MYOM1: variants seen among roughly 807,000 people sequenced by gnomAD.
The protein encoded by MYOM1 is myomesin-1.
A neutral mutation model predicts 205.3 loss-of-function variants in MYOM1; 164 were observed. The observed-to-expected ratio is 0.80, with a 90% confidence interval of 0.70 to 0.91. The LOEUF (loss-of-function observed/expected upper bound fraction) is 0.91. Ranked by LOEUF, MYOM1 falls within the 40% of genes least tolerant of loss-of-function variation. The pLI, the probability that MYOM1 is intolerant of heterozygous loss-of-function variation, is 0.00. For missense variants in MYOM1, 2,011 were observed against 2,127.3 expected (o/e 0.95, Z 1.08); for synonymous variants, 772 against 789.4 (o/e 0.98, Z 0.37).
At chr18:3,195,842 C>A (rs1004636514) in intron 2 of MYOM1, among the ~76,000 whole-genome samples, 3 of 151,846 alleles carry the variant, frequency 2.0e-5, no homozygotes, top group African/African-American at 4.8e-5. Flanking sequence ...AAATCACAGG[C>A]GCTGCTTTTT....
At chr18:3,084,261 C>T (rs186336282) in intron 31 of MYOM1, among the ~76,000 whole-genome samples, 89 of 152,084 alleles carry the variant, frequency 5.9e-4, no homozygotes, top group Non-Finnish European at 6.6e-4. Context: ...TTGTCACAAT[C>T]GCCATATTTA....
rs2081240130 is a variant in MYOM1 at position 3,214,919 on chromosome 18, G to GC, written c.290+14_290+15insG. On this transcript the variant is annotated intron_variant, in intron 2 of 37. Coordinates refer to ENST00000356443, the MANE Select transcript of MYOM1 (RefSeq NM_003803.4). ...TTCCTGAGGTTGGAAGGTTGGAGGA[G>GC]GGCGTCCGACATACCCATGGGAGGA... is the stretch of plus-strand genomic sequence containing the variant. The GC allele has an allele frequency of 6.4e-7, 1 of 1,563,284 alleles. No homozygotes were observed. Among genetic ancestry groups the GC allele is most frequent in the Non-Finnish European group, 8.7e-7 (1 of 1,152,894 alleles).
chr18:3,088,464 C>T (rs926017670), intron 29 of MYOM1, among the ~76,000 whole-genome samples: 6 of 152,154 alleles, frequency 3.9e-5, no homozygotes, highest in African/African-American at 1.4e-4. Flanking sequence ...CTAGTAGACA[C>T]TGGGGCACTT....
At chr18:3,120,392 TGAG>T (rs1012746818) in intron 19 of MYOM1, among the ~76,000 whole-genome samples, 1 of 152,098 alleles carries the variant, frequency 6.6e-6, no homozygotes, top group Non-Finnish European at 1.5e-5. Flanking sequence ...CCAATGGCCT[TGAG>T]GAGGTAAATG....
At chr18:3,106,290 A>G (rs1337481972) in intron 22 of MYOM1, among the ~76,000 whole-genome samples, 2 of 152,256 alleles carry the variant, frequency 1.3e-5, no homozygotes, top group Admixed American at 6.5e-5. Context: ...TAAACTTTGT[A>G]AAGCATTTCG....
rs1458519449 is a variant in MYOM1 at position 3,209,138 on chromosome 18, G to A, written c.290+5796C>T. Among the ~76,000 whole-genome samples, 1 of 152,146 alleles carries A rather than the reference G, an allele frequency of 6.6e-6. No homozygotes were observed. Among genetic ancestry groups the A allele is most frequent in the Non-Finnish European group, 1.5e-5 (1 of 68,034 alleles). ...TTTGACACGATGTAGAGGGAATCTG[G>A]GAAAATGGGGAACAAGTGAATGGTT... On this transcript the variant is annotated intron_variant, in intron 2 of 37. Coordinates refer to ENST00000356443, the MANE Select transcript of MYOM1 (RefSeq NM_003803.4). The surrounding 1 kb of genome is among the most constrained non-coding windows in gnomAD (Gnocchi z 4.0).
chr18:3,134,540 C>T, intron 16 of MYOM1, 110 bp downstream of exon 16: 1 of 1,262,708 alleles, frequency 7.9e-7, no homozygotes, highest in Non-Finnish European at 1.1e-6. Flanking sequence ...CACATCCAGC[C>T]AAAAAGTAAA....
At chr18:3,104,819 C>T (rs2079430328) in intron 22 of MYOM1, among the ~76,000 whole-genome samples, 1 of 121,050 alleles carries the variant, frequency 8.3e-6, no homozygotes, top group Non-Finnish European at 1.6e-5. Context: ...GTGGTGTGAT[C>T]TTGCCTCGCT....
At chr18:3,199,970 AAC>A (rs749099148) in intron 2 of MYOM1, among the ~76,000 whole-genome samples, 1 of 151,294 alleles carries the variant, frequency 6.6e-6, no homozygotes, top group Non-Finnish European at 1.5e-5. Flanking sequence ...AATCTATGCA[AAC>A]ACAGTGTGAT....
the MYOM1 span, among the ~76,000 whole-genome samples, chr18:3,228,507 T>C: frequency 6.6e-6 from 1 of 151,296 alleles, no homozygotes; most frequent in African/African-American, 2.5e-5. This position sits in a 1 kb window ranked among gnomAD's most constrained non-coding sequence, Gnocchi z 4.5. Context: ...ACAAAAATCA[T>C]ATGGTTTTTT....
chr18:3,155,488 T>C lies in MYOM1; in HGVS notation c.1502-400A>G, dbSNP rs193083532. Among the ~76,000 whole-genome samples, 77 of 152,332 alleles carry C rather than the reference T, an allele frequency of 5.1e-4. 1 individual carries two copies. In the South Asian group the frequency reaches 0.015, roughly 30 times the overall value. ...ATCCGCCCGCCTCGGCCTCCCAAAG[T>C]GCTGGGATTACAGGCGTGAGCCATC... On this transcript the variant is annotated intron_variant, in intron 10 of 37. Transcript: ENST00000356443.
intron 35 of MYOM1, 47 bp from the exon 36 acceptor site, chr18:3,075,523 T>C (rs377479230): frequency 2.8e-5 from 44 of 1,594,668 alleles, no homozygotes; most frequent in Non-Finnish European, 3.5e-5. Flanking sequence ...TTTGTGTTAG[T>C]GTTACTTCAA....
rs755975362 is a variant in MYOM1, at chr18:3,188,884, CTGGATGCCGTGGACTGCT to C, written c.617_634del (p.Lys206_Ser211del). 18 of 1,611,058 alleles carry C rather than the reference CTGGATGCCGTGGACTGCT, an allele frequency of 1.1e-5. No homozygotes were observed. Among genetic ancestry groups the C allele is most frequent in the Non-Finnish European group, 8.5e-7 (1 of 1,178,684 alleles). On this transcript the variant is annotated inframe_deletion, in exon 4 of 38. Coordinates refer to ENST00000356443, the MANE Select transcript of MYOM1 (RefSeq NM_003803.4). Reference sequence around the variant, plus strand: ...AGACTGCCTGGATGCCGTGGACTGCCTGGATGCCGTGGACTGCTTGGATGCTGTGGACTGCTTGGATGC... The same window carrying C: ...AGACTGCCTGGATGCCGTGGACTGCCTGGATGCTGTGGACTGCTTGGATGC...
At chr18:3,117,179 G>A (rs1244223475) in intron 20 of MYOM1, among the ~76,000 whole-genome samples, 1 of 152,152 alleles carries the variant, frequency 6.6e-6, no homozygotes, top group Non-Finnish European at 1.5e-5. Context: ...TAATTTTTGA[G>A]TGACAGCCTA....
In MYOM1 at chr18:3,152,277, T is replaced by C. The variant is rs979604774; in HGVS notation, c.1644-384A>G. On this transcript the variant is annotated intron_variant, in intron 11 of 37. Coordinates refer to ENST00000356443, the MANE Select transcript of MYOM1 (RefSeq NM_003803.4). This position sits in a 1 kb window ranked among gnomAD's most constrained non-coding sequence, Gnocchi z 4.3. ...TCTACCATTAGTGACTTCTTTGTCT[T>C]CTTTAGGTATTTTCTTTGAAAAACA... is the stretch of plus-strand genomic sequence containing the variant. Among the ~76,000 whole-genome samples, 1 of 152,226 alleles carries C rather than the reference T, an allele frequency of 6.6e-6. No individual in the cohort carries two copies. Among genetic ancestry groups the C allele is most frequent in the African/African-American group, 2.4e-5 (1 of 41,450 alleles).
intron 23 of MYOM1, among the ~76,000 whole-genome samples, chr18:3,101,724 CATAG>C (rs778319055): frequency 4.7e-4 from 72 of 152,254 alleles, no homozygotes; most frequent in Admixed American, 6.5e-4. Context: ...TTCAAAATTT[CATAG>C]ATAATGAGAA....
intron 34 of MYOM1, among the ~76,000 whole-genome samples, chr18:3,077,427 A>G (rs974500971): frequency 2.9e-4 from 44 of 152,154 alleles, no homozygotes; most frequent in African/African-American, 1.1e-3. Flanking sequence ...TTATTCCCTC[A>G]TGTTACAGAT....
intron 14 of MYOM1, among the ~76,000 whole-genome samples, chr18:3,137,091 C>T (rs1164718241): frequency 6.6e-6 from 1 of 152,042 alleles, no homozygotes; most frequent in Non-Finnish European, 1.5e-5. Flanking sequence ...GCTGGGACTA[C>T]AGGCGCCCCC....
At chr18:3,113,740 TA>T (rs1418169346) in intron 21 of MYOM1, among the ~76,000 whole-genome samples, 1 of 38,284 alleles carries the variant, frequency 2.6e-5, no homozygotes, top group Non-Finnish European at 7.6e-5. Context: ...ATGTGACTTT[TA>T]AAAGCTATGT....
Sources: allele counts gnomAD v4.1 joint callset (sites outside exome capture counted in the v4.1 genomes callset), GRCh38; gene constraint gnomAD v4.1.1; non-coding constraint Gnocchi (gnomAD v3.1); transcripts MANE v1.5; gene names NCBI Gene and HGNC (gene_info 2026-07-23, HGNC 2026-07-21).